JARID2: variants seen among roughly 807,000 people sequenced by gnomAD.
JARID2 encodes jumonji and AT-rich interaction domain containing 2.
In JARID2, 21 loss-of-function variants were observed where a neutral mutation model predicts 125.6. The observed-to-expected ratio is 0.17, with a 90% CI of 0.12 to 0.24. The LOEUF is 0.24. Ranked by LOEUF, JARID2 falls within the 10% of genes least tolerant of loss-of-function variation. The pLI is 1.00. For synonymous variants in JARID2, 736 were observed against 661.6 expected (o/e 1.11, Z -1.73); for missense variants, 1,303 against 1,639.6 (o/e 0.79, Z 3.55).
chr6:15,477,239 G>GTGGT, intron 5 of JARID2, among the ~76,000 whole-genome samples: 1 of 152,182 alleles, frequency 6.6e-6, no homozygotes, highest in South Asian at 2.1e-4. Flanking sequence ...TTTCTGCTCT[G>GTGGT]TGGTTGCCTT....
At chr6:15,337,082 C>A (rs1366144272) in intron 1 of JARID2, among the ~76,000 whole-genome samples, 2 of 152,152 alleles carry the variant, frequency 1.3e-5, no homozygotes, top group African/African-American at 4.8e-5. Context: ...TGTCTCTCTT[C>A]CTGCCTCTCT....
chr6:15,373,695 T>A (rs1764250928), intron 1 of JARID2, among the ~76,000 whole-genome samples: 1 of 152,222 alleles, frequency 6.6e-6, no homozygotes, highest in East Asian at 1.9e-4. Flanking sequence ...GCAACATTTT[T>A]AAGAGCTCCG....
intron 1 of JARID2, among the ~76,000 whole-genome samples, chr6:15,321,798 T>G (rs991006901): frequency 2.7e-4 from 37 of 136,934 alleles, no homozygotes; most frequent in Non-Finnish European, 4.1e-4. Context: ...TTTTTTTTTT[T>G]TTTTTTTTTT....
chr6:15,297,349 C>T (rs926553693), intron 1 of JARID2, among the ~76,000 whole-genome samples: 4 of 151,864 alleles, frequency 2.6e-5, no homozygotes, highest in Non-Finnish European at 4.4e-5. Context: ...GGGGTTTTAT[C>T]GTCTTGGCCA....
chr6:15,303,077 T>G (rs1761692487), intron 1 of JARID2, among the ~76,000 whole-genome samples: 1 of 152,150 alleles, frequency 6.6e-6, no homozygotes, highest in South Asian at 2.1e-4. Flanking sequence ...TGACACAGGA[T>G]TTTGAGTAAA....
chr6:15,317,645 C>T (rs1054534176), intron 1 of JARID2, among the ~76,000 whole-genome samples: 3 of 151,878 alleles, frequency 2.0e-5, no homozygotes, highest in Non-Finnish European at 2.9e-5. Flanking sequence ...TACCCTCTTG[C>T]GTCTCGGAGG....
chr6:15,428,942 A>ACCCCCC (rs1421305196), intron 3 of JARID2, among the ~76,000 whole-genome samples: 10 of 115,048 alleles, frequency 8.7e-5, no homozygotes, highest in African/African-American at 3.5e-4. Context: ...CCCCCCCCCA[A>ACCCCCC]AAAAAAAAAA....
chr6:15,495,021 G>A (rs1428394591), intron 6 of JARID2, among the ~76,000 whole-genome samples: 3 of 152,156 alleles, frequency 2.0e-5, no homozygotes, highest in Admixed American at 6.5e-5. Context: ...GATGGTGGTG[G>A]TTATAAAACC....
intron 7 of JARID2, among the ~76,000 whole-genome samples, chr6:15,498,379 C>T (rs1476286271): frequency 6.6e-6 from 1 of 152,182 alleles, no homozygotes; most frequent in Non-Finnish European, 1.5e-5. Flanking sequence ...GGGTTGCAGG[C>T]AGATCCTCCT....
intron 1 of JARID2, among the ~76,000 whole-genome samples, chr6:15,355,220 T>G (rs570636134): frequency 2.3e-4 from 35 of 152,316 alleles, no homozygotes; most frequent in African/African-American, 8.4e-4. Flanking sequence ...ACTTTTTAAT[T>G]TAATTTAATT....
intron 2 of JARID2, among the ~76,000 whole-genome samples, chr6:15,376,714 ACT>A (rs1307672334): frequency 1.3e-5 from 2 of 151,652 alleles, no homozygotes; most frequent in South Asian, 2.1e-4. Context: ...ACAGAGCGAG[ACT>A]CTCTCTTTAA....
At chr6:15,420,656 G>C (rs920326538) in intron 3 of JARID2, among the ~76,000 whole-genome samples, 13 of 151,966 alleles carry the variant, frequency 8.6e-5, no homozygotes, top group African/African-American at 2.9e-4. Context: ...TTTTTCTCTG[G>C]CTGTGGGAAA....
rs756556895 is a variant in JARID2 at position 15,520,239 on chromosome 6, G to C, written c.3729G>C (p.Ser1243=). The C allele has an allele frequency of 6.2e-7, 1 of 1,604,600 alleles. No individual in the cohort carries two copies. The highest frequency in any genetic ancestry group is 1.3e-5 in the African/African-American group (1 of 74,506). ...LSASSSSKSA[S]SSS ...CCTCCAGTTCATCCAAAAGTGCTTC[G>C]AGCTCATCATGAAGATGCCAACGCC... The change falls in exon 18 of 18, where the codon TCG becomes TCC. Residue 1243 remains serine (S), a synonymous_variant. Coordinates refer to ENST00000341776, the MANE Select transcript of JARID2 (RefSeq NM_004973.4).
At position 15,460,567 on chromosome 6, in the gene JARID2, G is replaced by C. The variant is rs568481433; in HGVS notation, c.494-7975G>C. Among the ~76,000 whole-genome samples the C allele has an allele frequency of 1.7e-3, 260 of 152,316 alleles. 1 individual carries two copies. Among genetic ancestry groups the C allele is most frequent in the African/African-American group, 6.0e-3 (250 of 41,572 alleles). On this transcript the variant is annotated intron_variant, in intron 4 of 17. Coordinates refer to ENST00000341776, the MANE Select transcript of JARID2 (RefSeq NM_004973.4). ...TTCATTTATAGCACTAAAGTCCCTG[G>C]TGTCTGTGTCCCGCAGGGAAGTTGA...
In JARID2 at chr6:15,501,341, A is replaced by G. The variant is rs777172906; in HGVS notation, c.2380A>G (p.Lys794Glu). ...CCGGCGGCGACTCTTCGCTCAGGAA[A>G]AAGAAGTGGTCAAGGAAGAGGAGGA... ...TGRRRLFAQE[K>E]EVVKEEEEDK... The change falls in exon 8 of 18, where the codon AAA (lysine) becomes GAA (glutamate). Residue 794 changes from lysine to glutamate, a missense_variant. Lys to Glu is a moderately conservative substitution (Grantham distance 56, BLOSUM62 1). Coordinates refer to ENST00000341776, the MANE Select transcript of JARID2 (RefSeq NM_004973.4). 7.5e-6 allele frequency: 12 copies of G among 1,603,236 alleles called. No homozygotes were observed. The South Asian group carries it at 7.8e-5, about 10-fold the overall frequency.
chr6:15,475,861 T>C (rs1299259944), intron 5 of JARID2, among the ~76,000 whole-genome samples: 1 of 152,186 alleles, frequency 6.6e-6, no homozygotes, highest in Non-Finnish European at 1.5e-5. Context: ...CTGACTTGGG[T>C]GAAGAAGGCA....
At chr6:15,518,362 GCTGT>G (rs1381848870) in intron 17 of JARID2, among the ~76,000 whole-genome samples, 3 of 152,180 alleles carry the variant, frequency 2.0e-5, no homozygotes, top group Non-Finnish European at 2.9e-5. Flanking sequence ...GCATTCAGGG[GCTGT>G]CTGAGACCTA....
Position 15,332,357 on chromosome 6 carries a change from A to G in JARID2, c.46-41760A>G, listed in dbSNP as rs1039312806. Reference sequence around the variant, plus strand: ...TTTTAGTAATGAATTAGAATATATCATGTAATACTGTTACCATCCAAGACT... The same window carrying G: ...TTTTAGTAATGAATTAGAATATATCGTGTAATACTGTTACCATCCAAGACT... On this transcript the variant is annotated intron_variant, in intron 1 of 17. Coordinates refer to ENST00000341776, the MANE Select transcript of JARID2 (RefSeq NM_004973.4). Among the ~76,000 whole-genome samples, 20 of 152,212 alleles carry G rather than the reference A, an allele frequency of 1.3e-4. 2 individuals are homozygous for G. The highest frequency in any genetic ancestry group is 7.3e-5 in the Non-Finnish European group (5 of 68,040).
chr6:15,370,213 C>T (rs190145954), intron 1 of JARID2, among the ~76,000 whole-genome samples: 4 of 152,058 alleles, frequency 2.6e-5, no homozygotes, highest in African/African-American at 9.6e-5. Context: ...TTCCTTGCCC[C>T]GTGGTTAAAT....
Sources: allele counts gnomAD v4.1 joint callset (sites outside exome capture counted in the v4.1 genomes callset), GRCh38; gene constraint gnomAD v4.1.1; transcripts MANE v1.5; gene names NCBI Gene and HGNC (gene_info 2026-07-23, HGNC 2026-07-21).